The following CACNG3 variants were observed in gnomAD, a reference collection of about 807,000 sequenced individuals.
CACNG3 encodes the protein calcium voltage-gated channel auxiliary subunit gamma 3.
Under a neutral mutation model 28.5 loss-of-function variants are expected in CACNG3, and 3 were observed. That is an observed-to-expected ratio of 0.11 (90% CI 0.05 to 0.27). The LOEUF (loss-of-function observed/expected upper bound fraction) is 0.27, where lower values mean the gene tolerates loss of function less well. Among genes scored for constraint, CACNG3 ranks in the 10% least tolerant of loss-of-function variants. CACNG3 has a pLI of 1.00. For missense variants in CACNG3, 236 were observed against 414.4 expected (o/e 0.57, Z 3.74); for synonymous variants, 174 against 162.2 (o/e 1.07, Z -0.55).
intron 1 of CACNG3, among the ~76,000 whole-genome samples, chr16:24,273,114 C>T (rs890010748): frequency 6.6e-6 from 1 of 152,160 alleles, no homozygotes; most frequent in African/African-American, 2.4e-5. Flanking sequence ...TCCTGTTCCT[C>T]ATGCACATTA....
chr16:24,351,699 A>AAG (rs1899947060), intron 2 of CACNG3, among the ~76,000 whole-genome samples: 2 of 76,412 alleles, frequency 2.6e-5, no homozygotes, highest in South Asian at 2.0e-3. Flanking sequence ...AGAAAGAAAG[A>AAG]GAAAGAAAGA....
chr16:24,300,318 G>T (rs1025424930), intron 1 of CACNG3, among the ~76,000 whole-genome samples: 2 of 152,064 alleles, frequency 1.3e-5, no homozygotes, highest in African/African-American at 4.8e-5. Flanking sequence ...GCCCCGATAA[G>T]GTGTCTACAG....
intron 1 of CACNG3, among the ~76,000 whole-genome samples, chr16:24,292,912 T>G (rs1425183764): frequency 6.6e-6 from 1 of 152,178 alleles, no homozygotes; most frequent in Non-Finnish European, 1.5e-5. Flanking sequence ...GAGGATGTGA[T>G]GTGAACACCA....
intron 1 of CACNG3, among the ~76,000 whole-genome samples, chr16:24,319,616 A>AATTT (rs71156403): frequency 0.64 from 96,204 of 151,234 alleles, 30,856 homozygotes; most frequent in Middle Eastern, 0.72. Context: ...TTATTTATTT[A>AATTT]ATTTATTTAT....
intron 1 of CACNG3, among the ~76,000 whole-genome samples, chr16:24,271,309 T>C (rs766261578): frequency 2.0e-5 from 3 of 152,236 alleles, no homozygotes; most frequent in Non-Finnish European, 4.4e-5. Context: ...ATTAGCACTG[T>C]CTTCCTTCTT....
At chr16:24,317,702 AAGAAAGAAAG>A (rs1899400000) in intron 1 of CACNG3, among the ~76,000 whole-genome samples, 1 of 110,302 alleles carries the variant, frequency 9.1e-6, no homozygotes, top group Non-Finnish European at 1.9e-5. Flanking sequence ...GAAAGAAAGA[AAGAAAGAAAG>A]AAAAGAAAGA....
intron 1 of CACNG3, among the ~76,000 whole-genome samples, chr16:24,302,921 A>G: frequency 6.6e-6 from 1 of 151,776 alleles, no homozygotes; most frequent in East Asian, 1.9e-4. Flanking sequence ...CGGCCTCCCA[A>G]AGTGCTGGAA....
chr16:24,258,079 G>A (rs973632228), intron 1 of CACNG3, among the ~76,000 whole-genome samples: 4 of 152,170 alleles, frequency 2.6e-5, no homozygotes, highest in Non-Finnish European at 4.4e-5. Context: ...GGAAATCTGC[G>A]TTTCCTGTGT....
At chr16:24,273,600 C>T (rs111382054) in intron 1 of CACNG3, among the ~76,000 whole-genome samples, 25 of 152,234 alleles carry the variant, frequency 1.6e-4, no homozygotes, top group African/African-American at 3.6e-4. Flanking sequence ...GTTTGAAAAC[C>T]GATGAACCTT....
intron 1 of CACNG3, among the ~76,000 whole-genome samples, chr16:24,326,345 A>G (rs1389399918): frequency 1.3e-5 from 2 of 151,582 alleles, no homozygotes; most frequent in Admixed American, 1.3e-4. Flanking sequence ...CTCATTTTGT[A>G]TTTTTAGTAG....
chr16:24,301,016 C>G (rs1353606950), intron 1 of CACNG3, among the ~76,000 whole-genome samples: 2 of 144,706 alleles, frequency 1.4e-5, no homozygotes, highest in African/African-American at 5.3e-5. Context: ...GCACTCCAGC[C>G]TGGGTGACAA....
chr16:24,349,578 T>C (rs796301447), intron 2 of CACNG3, among the ~76,000 whole-genome samples: 19 of 152,340 alleles, frequency 1.2e-4, no homozygotes, highest in African/African-American at 4.6e-4. Flanking sequence ...CTTCTGACAT[T>C]GCCATGGCAT....
At chr16:24,278,698 C>T (rs181344621) in intron 1 of CACNG3, among the ~76,000 whole-genome samples, 10 of 152,272 alleles carry the variant, frequency 6.6e-5, no homozygotes, top group African/African-American at 1.4e-4. Flanking sequence ...ATAACTTACA[C>T]GATTACATCT....
intron 1 of CACNG3, among the ~76,000 whole-genome samples, chr16:24,311,300 C>T (rs1196978058): frequency 2.6e-5 from 4 of 152,028 alleles, no homozygotes; most frequent in South Asian, 2.1e-4. Context: ...CACCTGAGGT[C>T]GGGAGTTTAA....
At chr16:24,281,254 A>G (rs1898823536) in intron 1 of CACNG3, among the ~76,000 whole-genome samples, 1 of 152,108 alleles carries the variant, frequency 6.6e-6, no homozygotes, top group Admixed American at 6.6e-5. Context: ...GGAGTGCCGT[A>G]GTAGAATCTC....
intron 2 of CACNG3, among the ~76,000 whole-genome samples, chr16:24,352,836 A>G (rs1899974728): frequency 6.6e-6 from 1 of 152,120 alleles, no homozygotes; most frequent in South Asian, 2.1e-4. Flanking sequence ...CACTGCTCCC[A>G]GGCTTGCCTG....
intron 1 of CACNG3, among the ~76,000 whole-genome samples, chr16:24,335,074 G>A (rs1417161330): frequency 1.3e-5 from 2 of 152,092 alleles, no homozygotes; most frequent in Non-Finnish European, 2.9e-5. Context: ...AAGAGCTCAG[G>A]GTCTAGGGTT....
intron 1 of CACNG3, among the ~76,000 whole-genome samples, chr16:24,271,395 A>T (rs1452837785): frequency 2.0e-5 from 3 of 152,174 alleles, no homozygotes; most frequent in Non-Finnish European, 4.4e-5. Flanking sequence ...AGGTTTTTTT[A>T]AATGACGTTG....
chr16:24,257,058 A>G, intron 1 of CACNG3, 93 bp downstream of exon 1: 4 of 800,256 alleles, frequency 5.0e-6, no homozygotes, highest in Non-Finnish European at 8.3e-6. Flanking sequence ...TAAGGAAAGA[A>G]GAGAAGTTCA....
Sources: gnomAD v4.1 joint callset for allele counts (sites outside exome capture counted in the v4.1 genomes callset) on GRCh38, gnomAD v4.1.1 for gene constraint, MANE v1.5 for transcripts, NCBI Gene and HGNC (gene_info 2026-07-23, HGNC 2026-07-21) for gene names.